Variants in KLHL1 observed in about 807,000 individuals in gnomAD.
KLHL1 encodes kelch-like protein 1.
A neutral mutation model predicts 77.7 loss-of-function variants in KLHL1; 47 were observed. That is an observed-to-expected ratio of 0.60 (90% confidence interval 0.48 to 0.77). The LOEUF is 0.77. KLHL1 is among the 30% of genes least tolerant of loss of function. KLHL1 has a pLI of 0.00. For synonymous variants in KLHL1, 360 were observed against 325.2 expected (o/e 1.11, Z -1.15); for missense variants, 925 against 910.8 (o/e 1.02, Z -0.20).
At chr13:69,931,671 G>C (rs1883008354) in intron 4 of KLHL1, among the ~76,000 whole-genome samples, 1 of 151,646 alleles carries the variant, frequency 6.6e-6, no homozygotes, top group Non-Finnish European at 1.5e-5. Context: ...TTCCTCAATA[G>C]TATGGTGATA....
At chr13:69,962,815 T>C (rs892558064) in intron 2 of KLHL1, among the ~76,000 whole-genome samples, 1 of 152,110 alleles carries the variant, frequency 6.6e-6, no homozygotes, top group Non-Finnish European at 1.5e-5. Context: ...GAGCTACAAC[T>C]CTTTAATTTT....
chr13:69,977,353 T>C (rs1332488077), intron 1 of KLHL1, among the ~76,000 whole-genome samples: 1 of 151,786 alleles, frequency 6.6e-6, no homozygotes, highest in Non-Finnish European at 1.5e-5. Flanking sequence ...AAAAATCAAA[T>C]GGAAACAAAT....
Position 69,847,973 on chromosome 13 carries a change from G to T in KLHL1, c.1228-8811C>A, listed in dbSNP as rs151052394. 2.0e-4 allele frequency among the ~76,000 whole-genome samples: 30 copies of T among 151,590 alleles called. No homozygotes were observed. The East Asian group carries it at 5.1e-3, about 26-fold the overall frequency. On this transcript the variant is annotated intron_variant, in intron 5 of 10. Transcript: ENST00000377844. ...AATTTCAGGTATTTGCATTAAAGCA[G>T]TCTAAGACATTCCACAGGGAAACAA...
chr13:69,755,246 C>T (rs1874657248), intron 7 of KLHL1, among the ~76,000 whole-genome samples: 1 of 151,786 alleles, frequency 6.6e-6, no homozygotes, highest in Admixed American at 6.6e-5. Context: ...TGATCCCACT[C>T]TTGCCACGTG....
At chr13:70,070,200 G>A (rs978770902) in intron 1 of KLHL1, among the ~76,000 whole-genome samples, 4 of 151,088 alleles carry the variant, frequency 2.6e-5, no homozygotes, top group South Asian at 2.1e-4. Flanking sequence ...TAATTATTGC[G>A]AATTTTCTAA....
intron 4 of KLHL1, among the ~76,000 whole-genome samples, chr13:69,921,781 T>C (rs1292987463): frequency 6.6e-6 from 1 of 152,146 alleles, no homozygotes; most frequent in Non-Finnish European, 1.5e-5. Flanking sequence ...GAATTCAGAA[T>C]AAATAATATA....
At chr13:69,818,248 G>A (rs1315322242) in intron 6 of KLHL1, among the ~76,000 whole-genome samples, 1 of 103,420 alleles carries the variant, frequency 9.7e-6, no homozygotes, top group East Asian at 2.1e-4. Context: ...TTGAGACGGA[G>A]TCTTGCTCCG....
chr13:69,982,458 T>G (rs1884738599), intron 1 of KLHL1, among the ~76,000 whole-genome samples: 1 of 135,922 alleles, frequency 7.4e-6, no homozygotes. Flanking sequence ...ATAATAATAA[T>G]AATAATAATA....
chr13:70,038,871 G>T (rs1461016052), intron 1 of KLHL1, among the ~76,000 whole-genome samples: 6 of 151,754 alleles, frequency 4.0e-5, no homozygotes, highest in African/African-American at 1.2e-4. Flanking sequence ...GATTACAGGC[G>T]TGAGCCACTG....
intron 1 of KLHL1, among the ~76,000 whole-genome samples, chr13:69,986,801 G>A (rs1397961411): frequency 6.6e-6 from 1 of 151,874 alleles, no homozygotes; most frequent in Non-Finnish European, 1.5e-5. Flanking sequence ...AAATTGAAGT[G>A]ATGTCAAGAT....
At chr13:69,749,644 A>G (rs919904901) in intron 7 of KLHL1, among the ~76,000 whole-genome samples, 6 of 151,998 alleles carry the variant, frequency 3.9e-5, no homozygotes, top group Non-Finnish European at 7.4e-5. Context: ...AGAACACATA[A>G]CTATATCCAA....
intron 5 of KLHL1, among the ~76,000 whole-genome samples, chr13:69,854,478 A>T (rs1013272588): frequency 6.6e-6 from 1 of 151,982 alleles, no homozygotes; most frequent in African/African-American, 2.4e-5. Flanking sequence ...TGACCCAAAC[A>T]CATCCCACAT....
chr13:69,859,172 G>T (rs2138148318), intron 5 of KLHL1, among the ~76,000 whole-genome samples: 1 of 151,722 alleles, frequency 6.6e-6, no homozygotes, highest in Non-Finnish European at 1.5e-5. Context: ...CTCAACTATT[G>T]TAATACCTTC....
intron 4 of KLHL1, among the ~76,000 whole-genome samples, chr13:69,890,027 A>G (rs757388254): frequency 3.7e-4 from 56 of 152,154 alleles, no homozygotes; most frequent in Non-Finnish European, 1.9e-4. Context: ...TGCCTAGTAT[A>G]TGCTTAATAC....
chr13:69,710,133 G>A lies in KLHL1; in HGVS notation c.2016-2337C>T, dbSNP rs975450981. Among the ~76,000 whole-genome samples, 61 of 151,666 alleles carry A rather than the reference G, an allele frequency of 4.0e-4. 1 individual carries two copies. Among genetic ancestry groups the A allele is most frequent in the African/African-American group, 1.4e-3 (56 of 41,404 alleles). On this transcript the variant is annotated intron_variant, in intron 9 of 10. Transcript: ENST00000377844. ...CATGAGAACTGAGAAAACAGCAAAC[G>A]TTAGTGTGCTAAGCAATAATAAACT...
At chr13:70,076,106 T>C (rs949378292) in intron 1 of KLHL1, among the ~76,000 whole-genome samples, 3 of 151,918 alleles carry the variant, frequency 2.0e-5, no homozygotes, top group Admixed American at 6.6e-5. Flanking sequence ...AAATCAAGCA[T>C]ATTGTTTTGT....
chr13:69,818,374 C>T (rs933155531), intron 6 of KLHL1, among the ~76,000 whole-genome samples: 1 of 151,828 alleles, frequency 6.6e-6, no homozygotes, highest in East Asian at 1.9e-4. Flanking sequence ...GTGGGTGCCA[C>T]CACACCCAGC....
rs570492997 is a variant in KLHL1 at position 69,932,127 on chromosome 13, A to G, written c.1014+7913T>C. Among the ~76,000 whole-genome samples, 279 of 151,902 alleles carry G rather than the reference A, an allele frequency of 1.8e-3. 1 individual carries two copies. Among genetic ancestry groups the G allele is most frequent in the Non-Finnish European group, 3.2e-3 (219 of 67,758 alleles). On this transcript the variant is annotated intron_variant, in intron 4 of 10. Coordinates refer to ENST00000377844, the MANE Select transcript of KLHL1 (RefSeq NM_020866.3). ...CATTATTGTGTGCCTAAAATGAGACAGGTGCTATACTAAGCATTAAGAATA... is the reference window on the plus strand; with the variant it reads ...CATTATTGTGTGCCTAAAATGAGACGGGTGCTATACTAAGCATTAAGAATA...
At chr13:69,782,934 A>C (rs1475520646) in intron 7 of KLHL1, among the ~76,000 whole-genome samples, 2 of 152,202 alleles carry the variant, frequency 1.3e-5, no homozygotes, top group Non-Finnish European at 2.9e-5. Context: ...CTGACACCTC[A>C]CATGGCCGGG....
Sources: gnomAD v4.1 joint callset for allele counts (sites outside exome capture counted in the v4.1 genomes callset) on GRCh38, gnomAD v4.1.1 for gene constraint, MANE v1.5 for transcripts, NCBI Gene and HGNC (gene_info 2026-07-23, HGNC 2026-07-21) for gene names.